SMAD7: variants seen among roughly 807,000 people sequenced by gnomAD.
The protein encoded by SMAD7 is MAD (mothers against decapentaplegic, Drosophila) homolog 7.
A neutral mutation model predicts 38.7 loss-of-function variants in SMAD7; 8 were observed. The observed-to-expected ratio is 0.21, with a 90% CI of 0.12 to 0.37. The LOEUF is 0.37. Among genes scored for constraint, SMAD7 ranks in the 10% least tolerant of loss-of-function variants. The pLI is 1.00. For synonymous variants in SMAD7, 327 were observed against 265.1 expected, an observed-to-expected ratio of 1.23 and a Z score of -2.27; for missense variants, 477 against 577.9, an observed-to-expected ratio of 0.83 and a Z score of 1.79.
Position 48,950,274 on chromosome 18 carries a change from C to A in SMAD7, c.151G>T (p.Gly51Cys), listed in dbSNP as rs1209988822. 1.3e-6 allele frequency: 2 copies of A among 1,524,944 alleles called. No homozygotes were observed. The highest frequency in any genetic ancestry group is 2.8e-5 in the African/African-American group (2 of 70,668). The allele number at this position is 1,524,944 out of a possible 1,614,324, so 94.5% of individuals were successfully genotyped here. The change falls in exon 1 of 4, where the codon GGT becomes TGT. Residue 51 changes from glycine (G) to cysteine (C), a missense_variant. Around this residue, in one of 2 missense-constraint regions of SMAD7, gnomAD observed 376 missense variants for 379.4 expected, o/e 0.99. Coordinates refer to ENST00000262158, the MANE Select transcript of SMAD7 (RefSeq NM_005904.4). ...GATDSRAHGAGGGGPGRAGCC... is the reference protein window; with the variant it reads ...GATDSRAHGACGGGPGRAGCC... The stretch of plus-strand genomic sequence containing the variant: ...CCAGCCCTGCCCGGGCCGCCGCCAC[C>A]GGCCCCATGCGCTCGGCTGTCCGTC...
intron 2 of SMAD7, among the ~76,000 whole-genome samples, chr18:48,945,909 CA>C (rs2070189511): frequency 2.0e-5 from 3 of 152,212 alleles, no homozygotes; most frequent in Admixed American, 6.5e-5. Context: ...TGACTTCTGA[CA>C]GCCACAAGTC....
At chr18:48,937,263 C>CAT (rs1555717056) in intron 3 of SMAD7, among the ~76,000 whole-genome samples, 14 of 69,082 alleles carry the variant, frequency 2.0e-4, no homozygotes, top group Non-Finnish European at 3.6e-4. Flanking sequence ...TAAGTAAAGG[C>CAT]ATGTGTGTGT....
At chr18:48,927,755 C>A (rs1488098943) in intron 3 of SMAD7, among the ~76,000 whole-genome samples, 1 of 152,230 alleles carries the variant, frequency 6.6e-6, no homozygotes, top group Non-Finnish European at 1.5e-5. Flanking sequence ...ATTGTCTCCA[C>A]ATCCCCACAC....
chr18:48,932,050 A>G (rs770437372), intron 3 of SMAD7, among the ~76,000 whole-genome samples: 13 of 152,258 alleles, frequency 8.5e-5, no homozygotes, highest in Non-Finnish European at 1.5e-4. Flanking sequence ...TAAGAACGGT[A>G]TGGTGCACTC....
rs577062293 is a variant in SMAD7 at position 48,944,514 on chromosome 18, A to G, written c.668-1959T>C. Among the ~76,000 whole-genome samples the G allele has an allele frequency of 5.8e-4, 89 of 152,342 alleles. 2 individuals carry two copies. In the Middle Eastern group the frequency reaches 0.01, roughly 17 times the overall value. ...AGCCTCCCTACCACCCCTGTGAAGAAGCAAAGTATACCTGTTCCATAGGCA... is the reference window on the plus strand; with the variant it reads ...AGCCTCCCTACCACCCCTGTGAAGAGGCAAAGTATACCTGTTCCATAGGCA... On this transcript the variant is annotated intron_variant, in intron 2 of 3. Transcript: ENST00000262158.
chr18:48,940,346 G>C (rs1051549322), intron 3 of SMAD7, among the ~76,000 whole-genome samples: 1 of 152,194 alleles, frequency 6.6e-6, no homozygotes, highest in Admixed American at 6.5e-5. Flanking sequence ...CTTCCTGGCA[G>C]CTCCTTATTA....
intron 2 of SMAD7, among the ~76,000 whole-genome samples, chr18:48,947,574 T>G (rs2070208994): frequency 6.6e-6 from 1 of 152,222 alleles, no homozygotes; most frequent in African/African-American, 2.4e-5. Context: ...CAGATCTATC[T>G]CCTACTGTAA....
At chr18:48,949,772 C>A (rs372437675) in intron 1 of SMAD7, 40 bp downstream of exon 1, 2 of 1,531,856 alleles carry the variant, frequency 1.3e-6, no homozygotes, top group East Asian at 4.9e-5. Flanking sequence ...CCAGCACTGG[C>A]GCTCCGGAAA....
intron 3 of SMAD7, among the ~76,000 whole-genome samples, chr18:48,929,573 T>TCACACACACACACA (rs6146310): frequency 2.2e-5 from 3 of 137,326 alleles, no homozygotes; most frequent in African/African-American, 2.8e-5. Context: ...TCTCTCTCAC[T>TCACACACACACACA]CACACACACA....
At chr18:48,942,348 C>T (rs78950893) in intron 3 of SMAD7, 133 bp downstream of exon 3, 62,466 of 661,186 alleles carry the variant, frequency 0.094, 3,442 homozygotes, top group Middle Eastern at 0.13. Flanking sequence ...CCGATGCATC[C>T]AACTTAAGGC....
intron 3 of SMAD7, among the ~76,000 whole-genome samples, chr18:48,934,904 T>C (rs775472519): frequency 6.6e-6 from 1 of 152,208 alleles, no homozygotes; most frequent in Non-Finnish European, 1.5e-5. Context: ...CAATATTTCC[T>C]GTTAACTTAC....
At chr18:48,928,775 C>A (rs1055936940) in intron 3 of SMAD7, among the ~76,000 whole-genome samples, 2 of 152,134 alleles carry the variant, frequency 1.3e-5, no homozygotes, top group African/African-American at 2.4e-5. Context: ...CTCCCAAAAC[C>A]CCCCAAGCAT....
At chr18:48,947,886 G>A (rs1230941463) in intron 2 of SMAD7, among the ~76,000 whole-genome samples, 1 of 133,280 alleles carries the variant, frequency 7.5e-6, no homozygotes, top group Admixed American at 7.6e-5. Context: ...GGAGCAGGAG[G>A]AACCTACCCC....
chr18:48,946,591 T>C (rs1465884962), intron 2 of SMAD7, among the ~76,000 whole-genome samples: 1 of 152,236 alleles, frequency 6.6e-6, no homozygotes, highest in Non-Finnish European at 1.5e-5. Flanking sequence ...TTTGGGTGAG[T>C]AACCAGCTGT....
In SMAD7 at chr18:48,920,676, A is replaced by G. The variant is rs1248600566; in HGVS notation, c.*696T>C. 6.6e-6 allele frequency: 1 copy of G among 152,546 alleles called. No individual in the cohort carries two copies. The highest frequency in any genetic ancestry group is 1.9e-4 in the East Asian group (1 of 5,208). 9.4% of individuals were successfully genotyped at this position (152,546 alleles called of 1,614,324 possible). On this transcript the variant is annotated 3_prime_UTR_variant, in exon 4 of 4. Transcript: ENST00000262158. ...AGACGCTACAATGGCAGGGGCTGGC[A>G]GGAAGGGAATAAGACAAGGATGAAA...
chr18:48,947,177 T>C (rs779120023), intron 2 of SMAD7, among the ~76,000 whole-genome samples: 6 of 152,146 alleles, frequency 3.9e-5, no homozygotes, highest in Non-Finnish European at 7.3e-5. Context: ...GTTTTGTAAA[T>C]CGAAAGCAAA....
intron 3 of SMAD7, among the ~76,000 whole-genome samples, chr18:48,932,687 T>A (rs573715723): frequency 6.6e-6 from 1 of 152,312 alleles, no homozygotes; most frequent in African/African-American, 2.4e-5. Context: ...CCCTGGTAAC[T>A]GCATCTTAGA....
intron 3 of SMAD7, among the ~76,000 whole-genome samples, chr18:48,929,567 T>TC (rs112497008): frequency 2.1e-3 from 127 of 61,798 alleles, no homozygotes; most frequent in African/African-American, 4.2e-3. Context: ...TCTCTCTCTC[T>TC]CTCACTCACA....
At chr18:48,937,050 G>T (rs537797774) in intron 3 of SMAD7, among the ~76,000 whole-genome samples, 1 of 151,488 alleles carries the variant, frequency 6.6e-6, no homozygotes, top group African/African-American at 2.4e-5. Context: ...TTGCACTCCA[G>T]CCTGGGCGAC....
Sources: gnomAD v4.1 joint callset for allele counts (sites outside exome capture counted in the v4.1 genomes callset) on GRCh38, gnomAD v4.1.1 for gene constraint, gnomAD v4.1.1 regional missense constraint, MANE v1.5 for transcripts, NCBI Gene and HGNC (gene_info 2026-07-23, HGNC 2026-07-21) for gene names.